The following CORO2A variants were observed in gnomAD, a reference collection of about 807,000 sequenced individuals.
CORO2A encodes the protein coronin-2A.
Under a neutral mutation model 62.4 loss-of-function variants are expected in CORO2A, and 47 were observed. That is an observed-to-expected ratio of 0.75 (90% CI 0.60 to 0.96). The LOEUF (loss-of-function observed/expected upper bound fraction) is 0.96, where lower values mean the gene tolerates loss of function less well. CORO2A is among the 40% of genes least tolerant of loss of function. The probability of loss-of-function intolerance (pLI) is 0.00; values close to 1 mark genes in which losing one functional copy is unlikely to be tolerated. For synonymous variants in CORO2A, 273 were observed against 268.9 expected, an observed-to-expected ratio of 1.02 and a Z score of -0.15; for missense variants, 610 against 684.1, an observed-to-expected ratio of 0.89 and a Z score of 1.21.
At chr9:98,144,031 C>A (rs1254739013) in intron 2 of CORO2A, among the ~76,000 whole-genome samples, 1 of 152,054 alleles carries the variant, frequency 6.6e-6, no homozygotes, top group Non-Finnish European at 1.5e-5. Flanking sequence ...GGCCCCATCT[C>A]TACAAAAATT....
rs1020481464 is a variant in CORO2A, at chr9:98,142,825, G to A, written c.202-5137C>T. 4.4e-4 allele frequency among the ~76,000 whole-genome samples: 7 copies of A among 16,080 alleles called. No individual in the cohort carries two copies. The South Asian group carries it at 5.5e-3, about 13-fold the overall frequency. 10.5% of individuals were successfully genotyped at this position (16,080 alleles called of 152,430 possible). ...CCAGCCCACCCCAGCCCTCCCCTCCGCCCCACCTCCCCTGCCCTGCCCTGC... is the reference window on the plus strand; with the variant it reads ...CCAGCCCACCCCAGCCCTCCCCTCCACCCCACCTCCCCTGCCCTGCCCTGC... On this transcript the variant is annotated intron_variant, in intron 2 of 11. Transcript: ENST00000375077.
intron 2 of CORO2A, among the ~76,000 whole-genome samples, chr9:98,150,014 C>T (rs1047982106): frequency 6.6e-6 from 1 of 151,700 alleles, no homozygotes; most frequent in African/African-American, 2.4e-5. Flanking sequence ...TCACTGCAAC[C>T]TCCACCTCCT....
chr9:98,178,766 C>T (rs1480212216), intron 1 of CORO2A, among the ~76,000 whole-genome samples: 1 of 152,190 alleles, frequency 6.6e-6, no homozygotes, highest in Non-Finnish European at 1.5e-5. Context: ...TTTTTTCCTG[C>T]ACCCCAATGT....
chr9:98,124,624 A>T lies in CORO2A; in HGVS notation c.*150T>A. 1 of 773,242 alleles carries T rather than the reference A, an allele frequency of 1.3e-6. No homozygotes were observed. Among genetic ancestry groups the T allele is most frequent in the Non-Finnish European group, 1.9e-6 (1 of 535,970 alleles). The allele number at this position is 773,242 out of a possible 1,614,324, so 47.9% of individuals were successfully genotyped here. ...AAACAGAAAAACGGCACCATGTCCC[A>T]CTGGAATCTCTTTCAGCGATGGAGA... On this transcript the variant is annotated 3_prime_UTR_variant, in exon 12 of 12. Transcript: ENST00000375077.
At chr9:98,125,231 C>T (rs1219514361) in intron 11 of CORO2A, among the ~76,000 whole-genome samples, 1 of 152,120 alleles carries the variant, frequency 6.6e-6, no homozygotes. Flanking sequence ...AGTTACTTAC[C>T]CACTCTGAGC....
At chr9:98,168,395 A>T (rs4743177) in intron 1 of CORO2A, among the ~76,000 whole-genome samples, 1 of 151,664 alleles carries the variant, frequency 6.6e-6, no homozygotes, top group African/African-American at 2.4e-5. Context: ...CGCCTATATT[A>T]CTGACTAGGT....
chr9:98,135,760 C>T lies in CORO2A; in HGVS notation c.319-805G>A, dbSNP rs80330254. Among the ~76,000 whole-genome samples, 394 of 152,278 alleles carry T rather than the reference C, an allele frequency of 2.6e-3. 1 individual carries two copies. Among genetic ancestry groups the T allele is most frequent in the African/African-American group, 9.0e-3 (376 of 41,550 alleles). On this transcript the variant is annotated intron_variant, in intron 3 of 11. Coordinates refer to ENST00000375077, the MANE Select transcript of CORO2A (RefSeq NM_052820.4). ...GAGGTATACAGGTTTTTCAGGTAGA[C>T]GACTTTGCTTTCAATTCAGCAAATA...
chr9:98,153,668 A>ACACACACACAAACACACACACT (rs1827759706), intron 2 of CORO2A, among the ~76,000 whole-genome samples: 1 of 150,972 alleles, frequency 6.6e-6, no homozygotes, highest in African/African-American at 2.4e-5. Flanking sequence ...ACACACACAC[A>ACACACACACAAACACACACACT]CACACACACA....
Position 98,138,814 on chromosome 9 carries a change from C to T in CORO2A, c.202-1126G>A, listed in dbSNP as rs146505000. Among the ~76,000 whole-genome samples the T allele has an allele frequency of 2.7e-4, 41 of 151,990 alleles. No individual in the cohort carries two copies. In the East Asian group the frequency reaches 6.0e-3, roughly 22 times the overall value. On this transcript the variant is annotated intron_variant, in intron 2 of 11. Coordinates refer to ENST00000375077, the MANE Select transcript of CORO2A (RefSeq NM_052820.4). ...CTGTAATCCCAGCACTTTGGGGGGC[C>T]GAGGCGGGTGGATCACGAGGTCAGG... is the stretch of plus-strand genomic sequence containing the variant.
intron 1 of CORO2A, among the ~76,000 whole-genome samples, chr9:98,169,138 C>A (rs12550850): frequency 1.3e-5 from 2 of 151,938 alleles, no homozygotes; most frequent in Admixed American, 6.5e-5. Flanking sequence ...AGGCAGAAGC[C>A]GTCTGCAGCC....
intron 1 of CORO2A, among the ~76,000 whole-genome samples, chr9:98,180,164 G>A (rs761127333): frequency 1.1e-4 from 17 of 152,110 alleles, no homozygotes; most frequent in Admixed American, 7.2e-4. Flanking sequence ...TGCCCTTGGC[G>A]TCTGGCAAAT....
At chr9:98,165,994 A>G (rs1174712803) in intron 1 of CORO2A, among the ~76,000 whole-genome samples, 1 of 152,208 alleles carries the variant, frequency 6.6e-6, no homozygotes, top group Non-Finnish European at 1.5e-5. Context: ...TAGCATCACT[A>G]AAAGAGATAA....
chr9:98,159,953 C>T (rs1391118850), intron 1 of CORO2A, among the ~76,000 whole-genome samples: 1 of 152,210 alleles, frequency 6.6e-6, no homozygotes, highest in Non-Finnish European at 1.5e-5. Flanking sequence ...ACCCATGAGG[C>T]TCTTCTCTGT....
At chr9:98,128,339 C>T in intron 9 of CORO2A, 79 bp from the exon 10 acceptor site, 1 of 1,143,868 alleles carries the variant, frequency 8.7e-7, no homozygotes, top group Non-Finnish European at 1.3e-6. Flanking sequence ...CCTGGGAGTC[C>T]AGGCTCTCAC....
chr9:98,153,649 AACACACACACACACACAC>A (rs55685018), intron 2 of CORO2A, among the ~76,000 whole-genome samples: 48 of 133,972 alleles, frequency 3.6e-4, no homozygotes, highest in Non-Finnish European at 5.5e-4. Flanking sequence ...TCTGTTTCCA[AACACACACACACACACAC>A]ACACACACAC....
chr9:98,127,332 C>G (rs544800272), intron 10 of CORO2A, among the ~76,000 whole-genome samples: 1 of 152,188 alleles, frequency 6.6e-6, no homozygotes, highest in Admixed American at 6.5e-5. Context: ...CCAGGAGGCC[C>G]GCTCAGCCAC....
intron 1 of CORO2A, among the ~76,000 whole-genome samples, chr9:98,175,805 A>T (rs988433103): frequency 6.6e-6 from 1 of 152,226 alleles, no homozygotes; most frequent in Non-Finnish European, 1.5e-5. Flanking sequence ...GGGTTTTCTC[A>T]TCCATAAAAT....
chr9:98,156,987 A>G (rs1477954607), intron 2 of CORO2A, among the ~76,000 whole-genome samples: 1 of 152,188 alleles, frequency 6.6e-6, no homozygotes, highest in African/African-American at 2.4e-5. Context: ...AAACCAGTTG[A>G]ATATCCACAA....
chr9:98,170,605 C>T (rs1263680124), intron 1 of CORO2A, among the ~76,000 whole-genome samples: 2 of 152,104 alleles, frequency 1.3e-5, no homozygotes, highest in East Asian at 1.9e-4. Context: ...CCACGCCTGG[C>T]TAATTTTTGT....
Sources: gnomAD v4.1 joint callset for allele counts (sites outside exome capture counted in the v4.1 genomes callset) on GRCh38, gnomAD v4.1.1 for gene constraint, MANE v1.5 for transcripts, NCBI Gene and HGNC (gene_info 2026-07-23, HGNC 2026-07-21) for gene names.